Variants in GRB2 observed in about 807,000 individuals in gnomAD.
GRB2 encodes the protein growth factor receptor-bound protein 2.
In GRB2, 2 loss-of-function variants were observed where a neutral mutation model predicts 27.4. That is an observed-to-expected ratio of 0.07 (90% CI 0.03 to 0.23). GRB2 has a LOEUF of 0.23. Among genes scored for constraint, GRB2 ranks in the 10% least tolerant of loss-of-function variants. The probability of loss-of-function intolerance (pLI) is 1.00; values close to 1 mark genes in which losing one functional copy is unlikely to be tolerated. For synonymous variants in GRB2, 94 were observed against 99.6 expected (o/e 0.94, Z 0.33); for missense variants, 102 against 282.4 (o/e 0.36, Z 4.58).
intron 1 of GRB2, chr17:75,404,960 G>GC (rs1555614297): frequency 6.7e-6 from 1 of 149,510 alleles, no homozygotes; most frequent in Non-Finnish European, 1.5e-5. Context: ...TTTTCAAATA[G>GC]TTTTTTTTTT....
intron 2 of GRB2, among the ~76,000 whole-genome samples, chr17:75,352,430 G>A (rs918212964): frequency 2.6e-5 from 4 of 152,176 alleles, no homozygotes; most frequent in Admixed American, 6.5e-5. Context: ...TGTCAGACCC[G>A]CAACTCCAAG....
rs140188925 is a variant in GRB2 at position 75,380,681 on chromosome 17, A to C, written c.78+12870T>G. 8.4e-3 allele frequency among the ~76,000 whole-genome samples: 1,280 copies of C among 152,334 alleles called. 20 individuals carry two copies. The highest frequency in any genetic ancestry group is 0.03 in the African/African-American group (1,230 of 41,570). On this transcript the variant is annotated intron_variant, in intron 2 of 5. Coordinates refer to ENST00000316804, the MANE Select transcript of GRB2 (RefSeq NM_002086.5). ...AGCTCAAAGACAAATTAAATTATGA[A>C]TACATGCCATATTTCTCTATCATAA...
At chr17:75,391,548 C>T (rs1008590795) in intron 2 of GRB2, among the ~76,000 whole-genome samples, 2 of 152,186 alleles carry the variant, frequency 1.3e-5, no homozygotes, top group Admixed American at 6.5e-5. Flanking sequence ...GTAGCTCACG[C>T]CTGTAATCCC....
chr17:75,397,816 A>AATTTATTTATTTATTTATTTATTT (rs57166874), intron 1 of GRB2, among the ~76,000 whole-genome samples: 1 of 147,814 alleles, frequency 6.8e-6, no homozygotes, highest in South Asian at 2.1e-4. Context: ...AATCACTCAA[A>AATTTATTTATTTATTTATTTATTT]ATTTATTTAT....
intron 2 of GRB2, among the ~76,000 whole-genome samples, chr17:75,392,368 T>C (rs2079003831): frequency 6.6e-6 from 1 of 152,210 alleles, no homozygotes; most frequent in Admixed American, 6.5e-5. Context: ...TGCAGCATCA[T>C]CTTCTATGAG....
At chr17:75,329,508 A>G (rs1289469708) in intron 3 of GRB2, among the ~76,000 whole-genome samples, 1 of 152,184 alleles carries the variant, frequency 6.6e-6, no homozygotes, top group East Asian at 1.9e-4. Context: ...AGTGAAGTAC[A>G]AATTATAATG....
chr17:75,357,304 A>T (rs2078739699), intron 2 of GRB2, among the ~76,000 whole-genome samples: 1 of 152,196 alleles, frequency 6.6e-6, no homozygotes, highest in Non-Finnish European at 1.5e-5. Flanking sequence ...GGTGTCCTGG[A>T]TGGGACCGTA....
intron 2 of GRB2, among the ~76,000 whole-genome samples, chr17:75,343,132 G>C (rs1371417483): frequency 6.6e-6 from 1 of 151,318 alleles, no homozygotes; most frequent in Non-Finnish European, 1.5e-5. Context: ...CAGGGATAAA[G>C]GGGGCTGGAC....
At chr17:75,354,997 G>A (rs575778621) in intron 2 of GRB2, among the ~76,000 whole-genome samples, 4 of 152,024 alleles carry the variant, frequency 2.6e-5, no homozygotes, top group Non-Finnish European at 4.4e-5. Flanking sequence ...TAGTAGAGAC[G>A]GGGTTTCACC....
chr17:75,399,314 C>G (rs779922390), intron 1 of GRB2, among the ~76,000 whole-genome samples: 9 of 151,354 alleles, frequency 5.9e-5, no homozygotes, highest in Non-Finnish European at 8.8e-5. Context: ...TCAGCCTTTC[C>G]AAGTGCTGGG....
intron 1 of GRB2, among the ~76,000 whole-genome samples, chr17:75,403,080 A>AAAAAAAAAAAGG (rs2079074057): frequency 6.9e-6 from 1 of 144,672 alleles, no homozygotes; most frequent in Non-Finnish European, 1.5e-5. Flanking sequence ...TGTCTCAAAA[A>AAAAAAAAAAAGG]AAAAAAAAAA....
chr17:75,393,664 G>T lies in GRB2; in HGVS notation c.-36C>A. On this transcript the variant is annotated 5_prime_UTR_variant, in exon 2 of 6. The change creates a new upstream start codon in the 5' untranslated region. Transcript: ENST00000316804. Reference sequence around the variant, plus strand: ...GCTCAGTGCTCAGCAGCCTGAAGCAGGGGGAAGGGAGTCTTCCCTGCTGAA... The same window carrying T: ...GCTCAGTGCTCAGCAGCCTGAAGCATGGGGAAGGGAGTCTTCCCTGCTGAA... The T allele has an allele frequency of 6.4e-7, 1 of 1,565,282 alleles. No homozygotes were observed. Among genetic ancestry groups the T allele is most frequent in the Non-Finnish European group, 8.8e-7 (1 of 1,136,018 alleles).
intron 3 of GRB2, among the ~76,000 whole-genome samples, chr17:75,328,967 A>ATAAG (rs2078520622): frequency 6.6e-6 from 1 of 151,034 alleles, no homozygotes. Flanking sequence ...AAATAAATAA[A>ATAAG]TAAATAAGGA....
chr17:75,358,580 C>CA, intron 2 of GRB2, among the ~76,000 whole-genome samples: 1 of 151,318 alleles, frequency 6.6e-6, no homozygotes, highest in Middle Eastern at 3.4e-3. Context: ...GAGTAACAGA[C>CA]AGGGCCAGCC....
intron 2 of GRB2, among the ~76,000 whole-genome samples, chr17:75,382,801 C>A (rs191660815): frequency 6.6e-6 from 1 of 152,296 alleles, no homozygotes; most frequent in South Asian, 2.1e-4. Flanking sequence ...CTCAGCCTTC[C>A]GGGTTCACGC....
chr17:75,334,022 G>A lies in GRB2; in HGVS notation c.79-1225C>T, dbSNP rs996819362. On this transcript the variant is annotated intron_variant, in intron 2 of 5. Coordinates refer to ENST00000316804, the MANE Select transcript of GRB2 (RefSeq NM_002086.5). ...CTAGGCCATGACGCTGTAATGTGTA[G>A]AGTAATACAGTAGTCCTCCTTATCA... Among the ~76,000 whole-genome samples, 5 of 152,272 alleles carry A rather than the reference G, an allele frequency of 3.3e-5. No individual in the cohort carries two copies. In the East Asian group the frequency reaches 9.6e-4, roughly 29 times the overall value.
chr17:75,380,244 G>A (rs2078919567), intron 2 of GRB2, among the ~76,000 whole-genome samples: 1 of 151,622 alleles, frequency 6.6e-6, no homozygotes, highest in South Asian at 2.1e-4. Flanking sequence ...ACAGCAAGAC[G>A]GCCCTAAAAT....
Position 75,336,496 on chromosome 17 carries a change from T to C in GRB2, c.79-3699A>G, listed in dbSNP as rs528762206. On this transcript the variant is annotated intron_variant, in intron 2 of 5. Coordinates refer to ENST00000316804, the MANE Select transcript of GRB2 (RefSeq NM_002086.5). Reference sequence around the variant, plus strand: ...CAATAACTTTGCAGAAAAAGATAACTCTATTTACCTGCCAGGAGTTCATAG... The same window carrying C: ...CAATAACTTTGCAGAAAAAGATAACCCTATTTACCTGCCAGGAGTTCATAG... Among the ~76,000 whole-genome samples, 3 of 152,152 alleles carry C rather than the reference T, an allele frequency of 2.0e-5. No homozygotes were observed. The East Asian group carries it at 5.8e-4, about 29-fold the overall frequency.
intron 2 of GRB2, among the ~76,000 whole-genome samples, chr17:75,378,914 A>C (rs2078911011): frequency 6.6e-6 from 1 of 152,226 alleles, no homozygotes; most frequent in Non-Finnish European, 1.5e-5. Flanking sequence ...ATTTCGGTTC[A>C]CAATCTATTC....
Sources: gnomAD v4.1 joint callset for allele counts (sites outside exome capture counted in the v4.1 genomes callset) on GRCh38, gnomAD v4.1.1 for gene constraint, MANE v1.5 for transcripts, NCBI Gene and HGNC (gene_info 2026-07-23, HGNC 2026-07-21) for gene names.